The following PLB1 variants were observed in gnomAD, a reference collection of about 807,000 sequenced individuals.
PLB1 encodes the protein phospholipase B1.
A neutral mutation model predicts 227.4 loss-of-function variants in PLB1; 242 were observed. The ratio of observed to expected loss-of-function variants is 1.06; its 90% CI spans 0.96 to 1.18. PLB1 has a LOEUF of 1.18. Among genes scored for constraint, PLB1 ranks in the 50% most tolerant of loss-of-function variants. PLB1 has a pLI of 0.00. For synonymous variants in PLB1, 757 were observed against 682.2 expected (o/e 1.11, Z -1.71); for missense variants, 1,858 against 1,816.3 (o/e 1.02, Z -0.42).
intron 49 of PLB1, among the ~76,000 whole-genome samples, chr2:28,621,603 T>G (rs757287556): frequency 6.6e-6 from 1 of 152,196 alleles, no homozygotes; most frequent in Non-Finnish European, 1.5e-5. Flanking sequence ...ATTTTCTGCA[T>G]GGAGCGTGCT....
intron 21 of PLB1, among the ~76,000 whole-genome samples, chr2:28,576,443 G>A (rs1397570922): frequency 6.6e-6 from 1 of 152,210 alleles, no homozygotes; most frequent in Non-Finnish European, 1.5e-5. Context: ...ATAAAACTGA[G>A]CTTCAGCCAG....
Position 28,620,636 on chromosome 2 carries a change from A to G in PLB1, c.3420A>G (p.Thr1140=). Residue 1140 remains threonine, a synonymous_variant, in exon 48 of 58, where the codon ACA becomes ACG. Coordinates refer to ENST00000327757, the MANE Select transcript of PLB1 (RefSeq NM_153021.5). ...GGDGNLETHT[T]LPNILKKFNP... Reference sequence around the variant, plus strand: ...ATGGGAACTTGGAGACTCACACCACACTGCCCAGTAAGTAGCAGCCCAGAG... The same window carrying G: ...ATGGGAACTTGGAGACTCACACCACGCTGCCCAGTAAGTAGCAGCCCAGAG... 1 of 1,613,958 alleles carries G rather than the reference A, an allele frequency of 6.2e-7. No individual in the cohort carries two copies. The highest frequency in any genetic ancestry group is 1.7e-5 in the Admixed American group (1 of 59,990).
At chr2:28,502,749 A>C (rs139327057) in intron 1 of PLB1, among the ~76,000 whole-genome samples, 4 of 152,140 alleles carry the variant, frequency 2.6e-5, no homozygotes, top group African/African-American at 4.8e-5. Flanking sequence ...CATAAAATGA[A>C]TTTGGGAGTG....
At chr2:28,594,344 C>T (rs890691234) in intron 33 of PLB1, 4 of 210,740 alleles carry the variant, frequency 1.9e-5, no homozygotes, top group South Asian at 1.9e-4. Flanking sequence ...GTCAGGCGAG[C>T]GGTTGCGTGT....
chr2:28,628,070 T>C (rs1419621183), intron 51 of PLB1, among the ~76,000 whole-genome samples: 1 of 152,192 alleles, frequency 6.6e-6, no homozygotes, highest in African/African-American at 2.4e-5. Context: ...AGCCTCCTAC[T>C]GGGGAGATGG....
chr2:28,612,102 C>T (rs11127179), intron 43 of PLB1, among the ~76,000 whole-genome samples: 38,752 of 152,150 alleles, frequency 0.25, 5,292 homozygotes, highest in East Asian at 0.34. Flanking sequence ...GCCGAGATCG[C>T]GCCACTGCAC....
chr2:28,524,089 G>A (rs1025163281), intron 4 of PLB1, among the ~76,000 whole-genome samples: 3 of 152,214 alleles, frequency 2.0e-5, no homozygotes, highest in African/African-American at 4.8e-5. Context: ...CTGCAGAGAC[G>A]TGACCTAGGT....
At chr2:28,536,021 T>A (rs991413483) in intron 9 of PLB1, among the ~76,000 whole-genome samples, 5 of 152,242 alleles carry the variant, frequency 3.3e-5, no homozygotes, top group Non-Finnish European at 7.3e-5. Context: ...AGCTGCCACC[T>A]GACTTTACAG....
chr2:28,522,336 C>G (rs751174302), intron 4 of PLB1, among the ~76,000 whole-genome samples: 1 of 152,002 alleles, frequency 6.6e-6, no homozygotes, highest in Non-Finnish European at 1.5e-5. Flanking sequence ...GCTCCCCACC[C>G]GCATTCTCTC....
At chr2:28,626,622 AT>A in intron 51 of PLB1, 114 bp downstream of exon 51, 2 of 920,738 alleles carry the variant, frequency 2.2e-6, no homozygotes, top group Admixed American at 4.0e-5. Context: ...TGGGAACCAC[AT>A]TTGCCTGCTG....
chr2:28,640,790 C>A, intron 56 of PLB1, 137 bp from the exon 57 acceptor site: 1 of 865,902 alleles, frequency 1.2e-6, no homozygotes, highest in Non-Finnish European at 1.8e-6. Flanking sequence ...CTGCTGTGGG[C>A]CAAAAACCAG....
chr2:28,515,144 A>G (rs1452198735), intron 1 of PLB1, among the ~76,000 whole-genome samples: 1 of 152,228 alleles, frequency 6.6e-6, no homozygotes, highest in Non-Finnish European at 1.5e-5. Context: ...GTTGGCTACC[A>G]TTTACATTTT....
intron 12 of PLB1, 21 bp downstream of exon 12, chr2:28,540,462 C>G: frequency 6.2e-7 from 1 of 1,610,064 alleles, no homozygotes. Flanking sequence ...CCTGGGATCC[C>G]AAGCTGCTGG....
intron 51 of PLB1, among the ~76,000 whole-genome samples, chr2:28,627,098 C>T (rs1020520436): frequency 6.6e-6 from 1 of 152,166 alleles, no homozygotes; most frequent in Non-Finnish European, 1.5e-5. Flanking sequence ...AGCTGCCCAG[C>T]CTCAGAGATT....
intron 32 of PLB1, among the ~76,000 whole-genome samples, chr2:28,593,075 C>T (rs867881417): frequency 6.6e-6 from 1 of 152,190 alleles, no homozygotes. Flanking sequence ...AGCTGAGACC[C>T]TCACATCTGT....
At chr2:28,544,605 A>G (rs1389195409) in intron 14 of PLB1, among the ~76,000 whole-genome samples, 1 of 152,218 alleles carries the variant, frequency 6.6e-6, no homozygotes, top group East Asian at 1.9e-4. Flanking sequence ...CAGACAGCCC[A>G]GAGGAACGAG....
chr2:28,643,824 G>A lies in PLB1; in HGVS notation c.*763G>A, dbSNP rs1409161927. The stretch of plus-strand genomic sequence containing the variant: ...ATTCTCAACCTGATTTTCTCAAGGT[G>A]CTAAATTTAGGAAAAAATTCCTATT... On this transcript the variant is annotated 3_prime_UTR_variant, in exon 58 of 58. Coordinates refer to ENST00000327757, the MANE Select transcript of PLB1 (RefSeq NM_153021.5). The A allele has an allele frequency of 6.6e-6, 1 of 152,222 alleles. No homozygotes were observed. Among genetic ancestry groups the A allele is most frequent in the East Asian group, 1.9e-4 (1 of 5,200 alleles). 9.4% of individuals were successfully genotyped at this position (152,222 alleles called of 1,614,324 possible). A position where few individuals can be genotyped will look rare whatever the true frequency, so the allele number is the denominator to read the frequency against.
intron 56 of PLB1, 39 bp downstream of exon 56, chr2:28,633,078 GA>G: frequency 6.5e-7 from 1 of 1,530,410 alleles, no homozygotes; most frequent in African/African-American, 1.4e-5. Flanking sequence ...GTCAAGGGGG[GA>G]TCTAAGGATA....
intron 22 of PLB1, among the ~76,000 whole-genome samples, chr2:28,578,579 G>A (rs1273839695): frequency 6.6e-6 from 1 of 152,090 alleles, no homozygotes; most frequent in Non-Finnish European, 1.5e-5. Flanking sequence ...GTTATTCTGG[G>A]CACATGGCCT....
Sources: gnomAD v4.1 joint callset for allele counts (sites outside exome capture counted in the v4.1 genomes callset) on GRCh38, gnomAD v4.1.1 for gene constraint, MANE v1.5 for transcripts, NCBI Gene and HGNC (gene_info 2026-07-23, HGNC 2026-07-21) for gene names.